Variants in NUP160 observed in about 807,000 individuals in gnomAD.
NUP160 encodes the protein nuclear pore complex protein Nup160.
NUP160 carries 94 observed loss-of-function variants against 196.9 expected under a neutral mutation model. That is an observed-to-expected ratio of 0.48 (90% CI 0.40 to 0.57). NUP160 has a LOEUF of 0.57. NUP160 is among the 20% of genes least tolerant of loss of function. The probability of loss-of-function intolerance (pLI) is 0.00; values close to 1 mark genes in which losing one functional copy is unlikely to be tolerated. For synonymous variants in NUP160, 605 were observed against 619.7 expected, an observed-to-expected ratio of 0.98 and a Z score of 0.35; for missense variants, 1,638 against 1,748.3, an observed-to-expected ratio of 0.94 and a Z score of 1.13.
intron 27 of NUP160, among the ~76,000 whole-genome samples, chr11:47,796,593 A>G (rs969650944): frequency 6.6e-6 from 1 of 152,206 alleles, no homozygotes; most frequent in Non-Finnish European, 1.5e-5. Flanking sequence ...GGGAATTTGG[A>G]TGAAAGGTAT....
At chr11:47,785,106 T>TTTTTTTTTTTG in intron 32 of NUP160, 43 bp from the exon 33 acceptor site, 2 of 981,316 alleles carry the variant, frequency 2.0e-6, no homozygotes, top group Admixed American at 2.6e-5. Context: ...AGATTCTTAA[T>TTTTTTTTTTTG]AGCTATTTAG....
rs774556753 is a variant in NUP160 at position 47,803,418 on chromosome 11, G to T, written c.2775+20C>A. On this transcript the variant is annotated intron_variant, in intron 22 of 35. Transcript: ENST00000378460. ...GCGTTAAAGTTTATAAAGTTTATTT[G>T]CCATTCAAATGTAGTTTACCTTCTG... 12 of 1,416,626 alleles carry T rather than the reference G, an allele frequency of 8.5e-6. No homozygotes were observed. The highest frequency in any genetic ancestry group is 2.0e-6 in the Non-Finnish European group (2 of 1,000,612). The allele number at this position is 1,416,626 out of a possible 1,614,324, so 87.8% of individuals were successfully genotyped here.
At chr11:47,807,713 T>C (rs887738426) in intron 18 of NUP160, among the ~76,000 whole-genome samples, 1 of 152,156 alleles carries the variant, frequency 6.6e-6, no homozygotes, top group Non-Finnish European at 1.5e-5. Flanking sequence ...GATTTGGCTA[T>C]AAAGAAGCTC....
chr11:47,831,049 G>A (rs1852063613), intron 7 of NUP160, among the ~76,000 whole-genome samples: 1 of 152,128 alleles, frequency 6.6e-6, no homozygotes, highest in Admixed American at 6.5e-5. Flanking sequence ...TGTAATCCCA[G>A]CTACTTGGGG....
intron 10 of NUP160, among the ~76,000 whole-genome samples, chr11:47,818,586 AG>A: frequency 6.6e-6 from 1 of 152,190 alleles, no homozygotes; most frequent in Non-Finnish European, 1.5e-5. Context: ...AACTCTCACA[AG>A]TAGGGAAATG....
chr11:47,815,539 G>A (rs1312753086), exon 13 of NUP160: 5 of 1,612,028 alleles, frequency 3.1e-6, no homozygotes, highest in Non-Finnish European at 4.2e-6. Flanking sequence ...GAGGGTGAGA[G>A]AGGGCTTCTT....
At chr11:47,782,303 AATAT>A (rs10529981) in intron 34 of NUP160, among the ~76,000 whole-genome samples, 47 of 40,398 alleles carry the variant, frequency 1.2e-3, no homozygotes, top group Non-Finnish European at 1.4e-3. Context: ...AAAAAAAAAA[AATAT>A]ATATATATAT....
chr11:47,791,984 G>T (rs746839583), exon 29 of NUP160: 1 of 1,605,862 alleles, frequency 6.2e-7, no homozygotes, highest in South Asian at 1.1e-5. Flanking sequence ...GCTCCAGGGC[G>T]ATCATACTGA....
At chr11:47,834,270 G>A (rs1352524265) in intron 7 of NUP160, among the ~76,000 whole-genome samples, 1 of 152,026 alleles carries the variant, frequency 6.6e-6, no homozygotes, top group African/African-American at 2.4e-5. Context: ...GTAACATGTC[G>A]AGGAGACTGA....
chr11:47,837,737 CT>C, intron 4 of NUP160, 114 bp from the exon 5 acceptor site: 1 of 736,682 alleles, frequency 1.4e-6, no homozygotes, highest in Non-Finnish European at 2.4e-6. Flanking sequence ...TATTTCTGTA[CT>C]AACAAAGGTT....
intron 33 of NUP160, 28 bp downstream of exon 33, chr11:47,784,894 T>A: frequency 6.6e-7 from 1 of 1,516,000 alleles, no homozygotes; most frequent in Middle Eastern, 1.8e-4. Flanking sequence ...AGTGGGTTCT[T>A]ACTCTGTACA....
exon 4 of NUP160, chr11:47,840,007 A>G (rs1449346031): frequency 6.2e-7 from 1 of 1,614,198 alleles, no homozygotes; most frequent in African/African-American, 1.3e-5. Flanking sequence ...AGGATCTGTG[A>G]AATCAACTTT....
At chr11:47,836,193 A>G (rs538480579) in intron 6 of NUP160, among the ~76,000 whole-genome samples, 14 of 152,152 alleles carry the variant, frequency 9.2e-5, no homozygotes, top group South Asian at 2.1e-4. Context: ...GGTTGCAGTG[A>G]GGTGAGACTG....
intron 7 of NUP160, 88 bp from the exon 8 acceptor site, chr11:47,822,252 TAA>T: frequency 1.1e-6 from 1 of 904,126 alleles, no homozygotes; most frequent in Non-Finnish European, 1.7e-6. Context: ...CAGAAACCTT[TAA>T]AAAAAAATTT....
intron 2 of NUP160, among the ~76,000 whole-genome samples, chr11:47,843,886 G>A (rs1332750151): frequency 6.6e-6 from 1 of 152,132 alleles, no homozygotes; most frequent in East Asian, 1.9e-4. Flanking sequence ...CCTGACTACT[G>A]TCTCAACACT....
At chr11:47,813,267 G>C (rs774797884) in intron 14 of NUP160, 49 bp downstream of exon 14, 4 of 1,340,696 alleles carry the variant, frequency 3.0e-6, no homozygotes, top group East Asian at 2.3e-5. Flanking sequence ...ACGAAGCATA[G>C]GGTTTATATA....
In NUP160 at chr11:47,819,367, T is replaced by C. The variant is rs1676362681; in HGVS notation, c.1362+7A>G. 1.3e-6 allele frequency: 2 copies of C among 1,570,006 alleles called. No individual in the cohort carries two copies. The highest frequency in any genetic ancestry group is 1.8e-6 in the Non-Finnish European group (2 of 1,140,768). On this transcript the variant is annotated splice_region_variant and intron_variant, in intron 10 of 35. Transcript: ENST00000378460. Reference sequence around the variant, plus strand: ...TTCCCTTATATAACATTTGAGCATCTACTTACTCTGGGGTCTTGATCATCT... The same window carrying C: ...TTCCCTTATATAACATTTGAGCATCCACTTACTCTGGGGTCTTGATCATCT...
chr11:47,796,658 T>C (rs1167651252), intron 27 of NUP160, among the ~76,000 whole-genome samples: 1 of 152,172 alleles, frequency 6.6e-6, no homozygotes, highest in Non-Finnish European at 1.5e-5. Flanking sequence ...CTTGACAAAT[T>C]TTACATTAAA....
chr11:47,844,499 G>C (rs556247544), intron 2 of NUP160, among the ~76,000 whole-genome samples: 2 of 152,192 alleles, frequency 1.3e-5, no homozygotes, highest in African/African-American at 4.8e-5. Flanking sequence ...AACACAACAG[G>C]CTCCTGTTTC....
Sources: allele counts gnomAD v4.1 joint callset (sites outside exome capture counted in the v4.1 genomes callset), GRCh38; gene constraint gnomAD v4.1.1; transcripts MANE v1.5; gene names NCBI Gene and HGNC (gene_info 2026-07-23, HGNC 2026-07-21).